The following LSAMP variants were observed in gnomAD, a reference collection of about 807,000 sequenced individuals.
The protein encoded by LSAMP is limbic system associated membrane protein, also known as limbic system-associated membrane protein.
Under a neutral mutation model 38.6 loss-of-function variants are expected in LSAMP, and 7 were observed. The observed-to-expected ratio is 0.18, with a 90% CI of 0.10 to 0.34. LSAMP has a LOEUF of 0.34. LSAMP is among the 10% of genes least tolerant of loss of function. The pLI is 1.00. For synonymous variants in LSAMP, 154 were observed against 166.8 expected (o/e 0.92, Z 0.59); for missense variants, 313 against 420.0 (o/e 0.75, Z 2.23).
At chr3:116,043,238 A>C (rs1020027806) in intron 2 of LSAMP, among the ~76,000 whole-genome samples, 2 of 152,184 alleles carry the variant, frequency 1.3e-5, no homozygotes, top group Non-Finnish European at 2.9e-5. Flanking sequence ...TTTTAAAAAC[A>C]AACTAACCAA....
intron 1 of LSAMP, among the ~76,000 whole-genome samples, chr3:116,125,361 C>T (rs1036224863): frequency 2.6e-5 from 4 of 151,218 alleles, no homozygotes; most frequent in African/African-American, 9.7e-5. Flanking sequence ...CATAGCAGTT[C>T]CCCCACCCCC....
At chr3:115,927,822 C>G (rs1379799719) in intron 3 of LSAMP, among the ~76,000 whole-genome samples, 1 of 152,186 alleles carries the variant, frequency 6.6e-6, no homozygotes, top group Non-Finnish European at 1.5e-5. Context: ...CAAATCTCAC[C>G]CTCTTCTAAA....
chr3:116,074,961 C>T (rs1401510237), intron 2 of LSAMP, among the ~76,000 whole-genome samples: 2 of 150,166 alleles, frequency 1.3e-5, no homozygotes, highest in African/African-American at 2.5e-5. Flanking sequence ...CTCAGCCTCC[C>T]GAGTAGCTGG....
chr3:116,039,471 CAG>C (rs1334360432), intron 2 of LSAMP, among the ~76,000 whole-genome samples: 1 of 152,198 alleles, frequency 6.6e-6, no homozygotes, highest in Non-Finnish European at 1.5e-5. Flanking sequence ...GTTAACAGCA[CAG>C]AGTGTCTCTC....
intron 3 of LSAMP, among the ~76,000 whole-genome samples, chr3:116,001,391 T>A (rs575670594): frequency 6.6e-6 from 1 of 152,236 alleles, no homozygotes; most frequent in African/African-American, 2.4e-5. Context: ...GTATCTTTTA[T>A]TTCCTTCCAG....
intron 1 of LSAMP, among the ~76,000 whole-genome samples, chr3:116,335,691 A>G (rs929075409): frequency 5.3e-5 from 8 of 152,196 alleles, no homozygotes; most frequent in Admixed American, 1.3e-4. Context: ...TCACACCTGA[A>G]CTACCAAACA....
At chr3:116,115,204 A>G (rs1194674475) in intron 1 of LSAMP, among the ~76,000 whole-genome samples, 1 of 152,276 alleles carries the variant, frequency 6.6e-6, no homozygotes, top group Non-Finnish European at 1.5e-5. Context: ...TGAAGACAGC[A>G]AAGCTGAAAG....
intron 2 of LSAMP, among the ~76,000 whole-genome samples, chr3:116,080,471 T>C (rs572837322): frequency 6.6e-6 from 1 of 152,350 alleles, no homozygotes; most frequent in Admixed American, 6.5e-5. Flanking sequence ...TACAGGTATA[T>C]AAAAAGGGTT....
At chr3:116,321,785 A>G (rs1360840727) in intron 1 of LSAMP, among the ~76,000 whole-genome samples, 1 of 152,158 alleles carries the variant, frequency 6.6e-6, no homozygotes, top group East Asian at 1.9e-4. Flanking sequence ...AAACTCAATC[A>G]ATTTAGTACA....
chr3:116,145,262 A>C (rs560105723), intron 1 of LSAMP, among the ~76,000 whole-genome samples: 63 of 151,496 alleles, frequency 4.2e-4, no homozygotes, highest in Middle Eastern at 3.4e-3. Context: ...TGGAATTCCC[A>C]TTTTGTATTA....
intron 1 of LSAMP, among the ~76,000 whole-genome samples, chr3:116,211,366 A>T (rs1009964501): frequency 2.6e-5 from 4 of 152,258 alleles, no homozygotes; most frequent in Non-Finnish European, 4.4e-5. Flanking sequence ...ATAAATCATA[A>T]ATATGTGAGG....
At chr3:116,190,131 G>T (rs932764396) in intron 1 of LSAMP, among the ~76,000 whole-genome samples, 4 of 87,216 alleles carry the variant, frequency 4.6e-5, no homozygotes, top group Non-Finnish European at 9.2e-5. Flanking sequence ...ACACACACAT[G>T]CATTAAGAAA....
chr3:116,435,642 C>T (rs914348151), intron 1 of LSAMP, among the ~76,000 whole-genome samples: 2 of 152,126 alleles, frequency 1.3e-5, no homozygotes, highest in African/African-American at 4.8e-5. Flanking sequence ...GGATCTATAC[C>T]CAGTTCCTCC....
At chr3:115,961,926 G>A (rs1410029171) in intron 3 of LSAMP, among the ~76,000 whole-genome samples, 1 of 152,158 alleles carries the variant, frequency 6.6e-6, no homozygotes, top group African/African-American at 2.4e-5. Context: ...TATGCTTTGT[G>A]ACAGGTGCCT....
At chr3:115,941,399 A>G (rs970644650) in intron 3 of LSAMP, among the ~76,000 whole-genome samples, 2 of 152,178 alleles carry the variant, frequency 1.3e-5, no homozygotes, top group Non-Finnish European at 2.9e-5. Flanking sequence ...AAACTACCAT[A>G]TGATCCAGCA....
At chr3:116,443,469 A>G (rs1028289084) in intron 1 of LSAMP, among the ~76,000 whole-genome samples, 1 of 152,068 alleles carries the variant, frequency 6.6e-6, no homozygotes, top group Non-Finnish European at 1.5e-5. Flanking sequence ...TACCCACACA[A>G]CACACACACA....
intron 3 of LSAMP, among the ~76,000 whole-genome samples, chr3:115,951,338 C>A (rs1482298154): frequency 6.6e-6 from 1 of 152,150 alleles, no homozygotes; most frequent in African/African-American, 2.4e-5. Context: ...AAACAGCCAA[C>A]CCACAGTATG....
chr3:116,057,932 T>TACAC lies in LSAMP; in HGVS notation c.388+28388_388+28391dup, dbSNP rs535645480. 1.6e-3 allele frequency among the ~76,000 whole-genome samples: 222 copies of TACAC among 136,734 alleles called. 1 individual carries two copies. In the South Asian group the frequency reaches 0.017, roughly 10 times the overall value. 89.7% of individuals were successfully genotyped at this position (136,734 alleles called of 152,430 possible). A position where few individuals can be genotyped will look rare whatever the true frequency, so the allele number is the denominator to read the frequency against. Reference sequence around the variant, plus strand: ...TTGAAGTTTGGCACTATATAGTAGCTACACACACACACACACACACACACC... The same window carrying TACAC: ...TTGAAGTTTGGCACTATATAGTAGCTACACACACACACACACACACACACACACC... On this transcript the variant is annotated intron_variant, in intron 2 of 6. Transcript: ENST00000490035.
At chr3:116,301,397 A>AACAAAAAT (rs1002810949) in intron 1 of LSAMP, among the ~76,000 whole-genome samples, 1 of 152,198 alleles carries the variant, frequency 6.6e-6, no homozygotes, top group African/African-American at 2.4e-5. Context: ...CAAACAAACA[A>AACAAAAAT]AAATAAATAA....
Sources: allele counts gnomAD v4.1 joint callset (sites outside exome capture counted in the v4.1 genomes callset), GRCh38; gene constraint gnomAD v4.1.1; transcripts MANE v1.5; gene names NCBI Gene and HGNC (gene_info 2026-07-23, HGNC 2026-07-21).